Variants in CADM3 observed in about 807,000 individuals in gnomAD.
The protein encoded by CADM3 is TSLC1-like 1.
CADM3 carries 11 observed loss-of-function variants against 44.9 expected under a neutral mutation model. The observed-to-expected ratio is 0.25, with a 90% CI of 0.15 to 0.41. CADM3 has a LOEUF of 0.41. Among genes scored for constraint, CADM3 ranks in the 10% least tolerant of loss-of-function variants. The pLI is 1.00. For missense variants in CADM3, 426 were observed against 512.0 expected, an observed-to-expected ratio of 0.83 and a Z score of 1.62; for synonymous variants, 207 against 205.2, an observed-to-expected ratio of 1.01 and a Z score of -0.08.
rs370853546 is a variant in CADM3 at position 159,196,894 on chromosome 1, C to T, written c.786C>T (p.Pro262=). 118 of 1,613,762 alleles carry T rather than the reference C, an allele frequency of 7.3e-5. No individual in the cohort carries two copies. The highest frequency in any genetic ancestry group is 7.9e-5 in the Non-Finnish European group (93 of 1,179,910). Residue 262 remains proline, a synonymous_variant, in exon 7 of 9, where the codon CCC becomes CCT. Transcript: ENST00000368125. The part of the protein sequence containing the change: ...LHCEGRGNPV[P]QQYLWEKEGS... ...TCTGATTTGTCTGCCTCGACAGCCC[C>T]CAGCAGTACCTATGGGAGAAGGAGG...
In CADM3 at chr1:159,193,445, C is replaced by G; in HGVS notation, c.405C>G (p.Ile135Met). ...CAGGAATTCCACAGAAGCCCATCAT[C>G]ACTGGTTATAAATCTTCATTACGGG... ...TVLGIPQKPI[I>M]TGYKSSLREK... Residue 135 changes from isoleucine to methionine, a missense_variant, in exon 4 of 9, where the codon ATC (isoleucine) becomes ATG (methionine). Physicochemically the swap from Ile to Met is conservative, Grantham distance 10. Transcript: ENST00000368125. 2 of 1,606,126 alleles carry G rather than the reference C, an allele frequency of 1.2e-6. No homozygotes were observed. Among genetic ancestry groups the G allele is most frequent in the Non-Finnish European group, 1.7e-6 (2 of 1,174,346 alleles).
chr1:159,193,789 C>T (rs773202613), intron 4 of CADM3, 81 bp from the exon 5 acceptor site: 3 of 1,555,124 alleles, frequency 1.9e-6, no homozygotes, highest in South Asian at 1.2e-5. Flanking sequence ...TACAATGAGG[C>T]CCACATGATA....
At position 159,171,784 on chromosome 1, in the gene CADM3, T is replaced by A. The variant is rs1449995461; in HGVS notation, c.19T>A (p.Ser7Thr). The stretch of plus-strand genomic sequence containing the variant: ...AAGCGCGATGGGGGCCCCAGCCGCC[T>A]CGCTCCTGCTCCTGCTCCTGCTGTT... The part of the protein sequence containing the change: MGAPAA[S>T]LLLLLLLFAC... The change falls in exon 1 of 9, where the codon TCG (serine) becomes ACG (threonine). Residue 7 changes from serine (S) to threonine (T), a missense_variant. Physicochemically the swap from Ser to Thr is moderately conservative, Grantham distance 58 (BLOSUM62 1). Coordinates refer to ENST00000368125, the MANE Select transcript of CADM3 (RefSeq NM_001127173.3). The A allele has an allele frequency of 1.0e-5, 13 of 1,241,076 alleles. No individual in the cohort carries two copies. The highest frequency in any genetic ancestry group is 1.3e-5 in the Non-Finnish European group (13 of 991,904). The allele number at this position is 1,241,076 out of a possible 1,614,324, so 76.9% of individuals were successfully genotyped here.
At chr1:159,197,275 C>T (rs1649945150) in intron 7 of CADM3, 5 of 496,030 alleles carry the variant, frequency 1.0e-5, no homozygotes, top group Non-Finnish European at 1.8e-5. Context: ...AGGGTGGGCT[C>T]TCATCTGCCT....
At chr1:159,187,371 G>GC (rs1301206179) in intron 1 of CADM3, among the ~76,000 whole-genome samples, 3 of 152,154 alleles carry the variant, frequency 2.0e-5, no homozygotes, top group Non-Finnish European at 4.4e-5. Flanking sequence ...ACACTGGAAT[G>GC]CCATAAGAAA....
intron 1 of CADM3, chr1:159,189,817 C>A: frequency 1.2e-6 from 2 of 1,607,620 alleles, no homozygotes; most frequent in Non-Finnish European, 1.7e-6. Context: ...TGGCTCCACT[C>A]GACGAGGCCA....
In CADM3 at chr1:159,189,641, C is replaced by G. The variant is rs35375382; in HGVS notation, c.89-2295C>G. Reference sequence around the variant, plus strand: ...CCCCTTGGTAAGAACCCTACCTTCTCTTAGGTATCCTGGTGAACCTATTTT... The same window carrying G: ...CCCCTTGGTAAGAACCCTACCTTCTGTTAGGTATCCTGGTGAACCTATTTT... On this transcript the variant is annotated intron_variant, in intron 1 of 8. Transcript: ENST00000368125. 2.8e-5 allele frequency: 19 copies of G among 679,536 alleles called. 1 individual carries two copies. Among genetic ancestry groups the G allele is most frequent in the Admixed American group, 6.1e-5 (2 of 32,804 alleles). The allele number at this position is 679,536 out of a possible 1,614,324, so 42.1% of individuals were successfully genotyped here. A position where few individuals can be genotyped will look rare whatever the true frequency, so the allele number is the denominator to read the frequency against.
chr1:159,195,730 G>A (rs903266617), intron 5 of CADM3: 1 of 152,290 alleles, frequency 6.6e-6, no homozygotes, highest in Non-Finnish European at 1.5e-5. Context: ...ACCAGCATCT[G>A]GTTGTATTGT....
intron 1 of CADM3, among the ~76,000 whole-genome samples, chr1:159,185,721 T>A (rs952304858): frequency 1.3e-5 from 2 of 152,242 alleles, no homozygotes; most frequent in Non-Finnish European, 2.9e-5. Context: ...TTTCTTCATC[T>A]CCTGTTTGGT....
intron 2 of CADM3, among the ~76,000 whole-genome samples, chr1:159,192,280 G>A (rs561213880): frequency 1.8e-4 from 28 of 152,108 alleles, no homozygotes; most frequent in Non-Finnish European, 3.4e-4. Context: ...CAGGGTTCTG[G>A]AGTGACTTCA....
intron 1 of CADM3, among the ~76,000 whole-genome samples, chr1:159,189,054 C>G (rs1016573310): frequency 4.6e-5 from 7 of 151,978 alleles, no homozygotes; most frequent in Non-Finnish European, 1.0e-4. Flanking sequence ...TTTGAGTAGC[C>G]CATAGAAGGT....
rs138200155 is a variant in CADM3, at chr1:159,196,392, C to A, written c.720C>A (p.Asp240Glu). 910 of 1,614,002 alleles carry A rather than the reference C, an allele frequency of 5.6e-4. 1 individual carries two copies. The highest frequency in any genetic ancestry group is 7.3e-4 in the Non-Finnish European group (862 of 1,180,008). ...LYTPTAMIRPDPPHPREGQKL... is the reference protein window; with the variant it reads ...LYTPTAMIRPEPPHPREGQKL... ...CACCAACTGCGATGATTAGGCCAGA[C>A]CCTCCCCATCCTCGTGAGGGCCAGA... Residue 240 changes from aspartate (D) to glutamate (E), a missense_variant, in exon 6 of 9, where the codon GAC (aspartate) becomes GAA (glutamate). By Grantham distance (45) the Asp-to-Glu change is conservative (BLOSUM62 2). Around this residue, in one of 2 missense-constraint regions of CADM3, gnomAD observed 362 missense variants for 474.6 expected, o/e 0.76. Transcript: ENST00000368125.
At chr1:159,194,162 A>G in intron 5 of CADM3, 122 bp downstream of exon 5, 1 of 1,076,552 alleles carries the variant, frequency 9.3e-7, no homozygotes, top group Admixed American at 2.6e-5. Flanking sequence ...AAAAAATGAA[A>G]CAAAGACTGC....
chr1:159,178,643 A>T (rs967474033), intron 1 of CADM3: 2 of 152,194 alleles, frequency 1.3e-5, no homozygotes, highest in African/African-American at 4.8e-5. Flanking sequence ...AAATATAACC[A>T]TCTTCTCCCA....
At position 159,196,465 on chromosome 1, in the gene CADM3, C is replaced by G. The variant is rs771249496; in HGVS notation, c.782+11C>G. The G allele has an allele frequency of 6.2e-7, 1 of 1,610,730 alleles. No homozygotes were observed. Among genetic ancestry groups the G allele is most frequent in the Non-Finnish European group, 8.5e-7 (1 of 1,177,316 alleles). ...TCGCGGCAATCCAGTGTAAGAAGAT[C>G]CATTTCCTGGTCTCCTCCTTACTCT... On this transcript the variant is annotated intron_variant, in intron 6 of 8. Coordinates refer to ENST00000368125, the MANE Select transcript of CADM3 (RefSeq NM_001127173.3).
At chr1:159,173,969 T>C (rs1648922898) in intron 1 of CADM3, among the ~76,000 whole-genome samples, 1 of 152,232 alleles carries the variant, frequency 6.6e-6, no homozygotes, top group African/African-American at 2.4e-5. Context: ...AAGAGAAATG[T>C]TACATCCTCA....
chr1:159,186,985 A>G (rs1373818279), intron 1 of CADM3, among the ~76,000 whole-genome samples: 1 of 152,230 alleles, frequency 6.6e-6, no homozygotes, highest in Non-Finnish European at 1.5e-5. Context: ...GGTTTGAATG[A>G]TCTACATCAC....
intron 6 of CADM3, 55 bp downstream of exon 6, chr1:159,196,509 T>C: frequency 7.1e-7 from 1 of 1,416,478 alleles, no homozygotes; most frequent in Non-Finnish European, 9.9e-7. Flanking sequence ...TCAGATTGCC[T>C]TCTTCACATA....
intron 1 of CADM3, among the ~76,000 whole-genome samples, chr1:159,180,579 ATTTTTT>A (rs10681414): frequency 6.7e-6 from 1 of 149,460 alleles, no homozygotes; most frequent in Non-Finnish European, 1.5e-5. Context: ...AAAAATACAG[ATTTTTT>A]TTTTTTTAAG....
Sources: allele counts gnomAD v4.1 joint callset (sites outside exome capture counted in the v4.1 genomes callset), GRCh38; gene constraint gnomAD v4.1.1; regional missense constraint gnomAD v4.1.1; transcripts MANE v1.5; gene names NCBI Gene and HGNC (gene_info 2026-07-23, HGNC 2026-07-21).